GSE1: variants seen among roughly 807,000 people sequenced by gnomAD.
GSE1 encodes the protein Gse1 coiled-coil protein.
In GSE1, 32 loss-of-function variants were observed where a neutral mutation model predicts 112.6. The ratio of observed to expected loss-of-function variants is 0.28; its 90% CI spans 0.21 to 0.38. GSE1 has a LOEUF of 0.38. GSE1 is among the 10% of genes least tolerant of loss of function. GSE1 has a pLI of 1.00. For missense variants in GSE1, 2,348 were observed against 1,699.2 expected (o/e 1.38, Z -6.71); for synonymous variants, 1,115 against 735.6 (o/e 1.52, Z -8.35).
intron 2 of GSE1, among the ~76,000 whole-genome samples, chr16:85,508,772 C>T (rs1012119093): frequency 6.6e-6 from 1 of 152,214 alleles, no homozygotes; most frequent in Non-Finnish European, 1.5e-5. Flanking sequence ...AAGCTAATCA[C>T]GCTTTGTCTT....
At chr16:85,297,990 A>G (rs1004892732) in intron 1 of GSE1, among the ~76,000 whole-genome samples, 1 of 152,182 alleles carries the variant, frequency 6.6e-6, no homozygotes, top group African/African-American at 2.4e-5. Context: ...AGCTCAGCTT[A>G]TTAAGGATTG....
intron 2 of GSE1, among the ~76,000 whole-genome samples, chr16:85,363,740 G>A (rs1430620046): frequency 6.6e-6 from 1 of 151,678 alleles, no homozygotes; most frequent in East Asian, 1.9e-4. Flanking sequence ...TTGGCCACCT[G>A]AGGAAAGGAA....
intron 2 of GSE1, among the ~76,000 whole-genome samples, chr16:85,394,806 C>T (rs1286566596): frequency 1.3e-5 from 2 of 152,144 alleles, no homozygotes; most frequent in East Asian, 3.9e-4. Flanking sequence ...AAAATCCAGG[C>T]TTCCTCGGGC....
chr16:85,187,890 C>T (rs748474925), intron 1 of GSE1, among the ~76,000 whole-genome samples: 1 of 152,234 alleles, frequency 6.6e-6, no homozygotes, highest in Non-Finnish European at 1.5e-5. Context: ...TGAGGCCCCA[C>T]TCAAAGGCCG....
chr16:85,196,900 T>TC (rs2143509656), intron 1 of GSE1, among the ~76,000 whole-genome samples: 1 of 152,240 alleles, frequency 6.6e-6, no homozygotes, highest in East Asian at 1.9e-4. Context: ...CTTGGGTTTC[T>TC]CCCCTGTGAA....
chr16:85,600,244 C>T, intron 1 of GSE1, among the ~76,000 whole-genome samples: 1 of 152,204 alleles, frequency 6.6e-6, no homozygotes, highest in East Asian at 1.9e-4. Context: ...TTCCCAAGGT[C>T]ACAAAGCAGT....
At position 85,668,449 on chromosome 16, in the gene GSE1, G is replaced by C. The variant is rs775800728; in HGVS notation, c.3415+25G>C. ...GGTAAGGGGGTGCTGGGGAAGAGGG[G>C]GGAGGGGGTCAGGAAAGTACCTTTG... On this transcript the variant is annotated intron_variant, in intron 14 of 15. Coordinates refer to ENST00000253458, the MANE Select transcript of GSE1 (RefSeq NM_014615.5). The C allele has an allele frequency of 4.0e-5, 59 of 1,491,600 alleles. 2 individuals are homozygous for C. The highest frequency in any genetic ancestry group is 5.1e-5 in the Non-Finnish European group (56 of 1,092,836). The allele number at this position is 1,491,600 out of a possible 1,614,324, so 92.4% of individuals were successfully genotyped here.
At chr16:85,228,033 G>A (rs1029274037) in intron 1 of GSE1, among the ~76,000 whole-genome samples, 1 of 152,178 alleles carries the variant, frequency 6.6e-6, no homozygotes, top group African/African-American at 2.4e-5. Context: ...CCCCTCTGTG[G>A]AGGAGGCAGC....
chr16:85,631,057 G>A (rs1252522086), intron 1 of GSE1, among the ~76,000 whole-genome samples: 2 of 152,186 alleles, frequency 1.3e-5, no homozygotes, highest in Non-Finnish European at 2.9e-5. Context: ...CTGTCTTCCA[G>A]GCAGCTCTCC....
intron 1 of GSE1, among the ~76,000 whole-genome samples, chr16:85,281,101 G>A: frequency 6.6e-6 from 1 of 152,140 alleles, no homozygotes; most frequent in South Asian, 2.1e-4. Context: ...TTGTCAAGAA[G>A]CAAATGAACC....
chr16:85,668,911 AAAAAG>A (rs2053102849), intron 14 of GSE1, among the ~76,000 whole-genome samples: 1 of 152,252 alleles, frequency 6.6e-6, no homozygotes, highest in Non-Finnish European at 1.5e-5. Context: ...CACTTTGCCT[AAAAAG>A]ACAGGCTCCT....
intron 2 of GSE1, among the ~76,000 whole-genome samples, chr16:85,413,000 C>G (rs975507152): frequency 2.0e-5 from 3 of 152,218 alleles, no homozygotes; most frequent in Non-Finnish European, 2.9e-5. Flanking sequence ...AATGCTGAGC[C>G]TTTATCGCAC....
At chr16:85,567,535 T>C (rs2045811117) in intron 1 of GSE1, among the ~76,000 whole-genome samples, 1 of 152,168 alleles carries the variant, frequency 6.6e-6, no homozygotes, top group Non-Finnish European at 1.5e-5. Context: ...GGCCCCTCAG[T>C]GTGGCATGAG....
chr16:85,552,477 G>A (rs1454135642), upstream of GSE1, among the ~76,000 whole-genome samples: 5 of 126,728 alleles, frequency 3.9e-5, 1 homozygote, highest in Non-Finnish European at 8.9e-5. Context: ...GACTACAGGC[G>A]CCCGTCACCA....
intron 2 of GSE1, among the ~76,000 whole-genome samples, chr16:85,494,077 C>CA (rs34201726): frequency 1.3e-5 from 2 of 152,216 alleles, no homozygotes; most frequent in African/African-American, 2.4e-5. Context: ...CTGTCTCAAA[C>CA]AAAAAAGTCA....
chr16:85,411,776 C>T (rs531249547), intron 2 of GSE1, among the ~76,000 whole-genome samples: 1 of 27,454 alleles, frequency 3.6e-5, no homozygotes, highest in African/African-American at 1.3e-4. Context: ...CTCAGGGCCC[C>T]CCTGGATAAT....
In GSE1 at chr16:85,654,380, C is replaced by A; in HGVS notation, c.529C>A (p.Leu177Ile). 1 of 1,611,672 alleles carries A rather than the reference C, an allele frequency of 6.2e-7. No individual in the cohort carries two copies. Among genetic ancestry groups the A allele is most frequent in the Admixed American group, 1.7e-5 (1 of 59,930 alleles). Residue 177 changes from leucine to isoleucine, a missense_variant, in exon 4 of 16, where the codon CTC becomes ATC. Leu to Ile is a conservative substitution (Grantham distance 5). Coordinates refer to ENST00000253458, the MANE Select transcript of GSE1 (RefSeq NM_014615.5). ...GGGACCAGCCATCCCCTCGCACCTGCTCAGCACCCCCTACCCCTTCGGCCT... is the reference window on the plus strand; with the variant it reads ...GGGACCAGCCATCCCCTCGCACCTGATCAGCACCCCCTACCCCTTCGGCCT... ...AGGPAIPSHL[L>I]STPYPFGLSP...
At chr16:85,643,121 G>C (rs12917784) in intron 2 of GSE1, among the ~76,000 whole-genome samples, 15,469 of 152,264 alleles carry the variant, frequency 0.1, 1,011 homozygotes, top group Non-Finnish European at 0.14. Flanking sequence ...TGGGGTGTCA[G>C]CTGTTAATTA....
chr16:85,443,187 AG>A (rs2049423003), intron 2 of GSE1, among the ~76,000 whole-genome samples: 1 of 152,224 alleles, frequency 6.6e-6, no homozygotes, highest in Admixed American at 6.5e-5. Context: ...AGCCCGGTGC[AG>A]CCCCCATTTC....
Sources: allele counts gnomAD v4.1 joint callset (sites outside exome capture counted in the v4.1 genomes callset), GRCh38; gene constraint gnomAD v4.1.1; transcripts MANE v1.5; gene names NCBI Gene and HGNC (gene_info 2026-07-23, HGNC 2026-07-21).